TECTA: variants seen among roughly 807,000 people sequenced by gnomAD.
The protein encoded by TECTA is alpha-tectorin.
A neutral mutation model predicts 216.8 loss-of-function variants in TECTA; 128 were observed. The observed-to-expected ratio is 0.59, with a 90% CI of 0.51 to 0.68. The LOEUF is 0.68. Among genes scored for constraint, TECTA ranks in the 30% least tolerant of loss-of-function variants. The pLI is 0.00. For missense variants in TECTA, 2,551 were observed against 2,786.2 expected, an observed-to-expected ratio of 0.92 and a Z score of 1.90; for synonymous variants, 1,089 against 1,117.1, an observed-to-expected ratio of 0.97 and a Z score of 0.50.
intron 19 of TECTA, 158 bp downstream of exon 19, chr11:121,168,375 ACT>A: frequency 9.8e-7 from 1 of 1,015,254 alleles, no homozygotes; most frequent in Non-Finnish European, 1.5e-6. Flanking sequence ...GTTCAATAGA[ACT>A]CTCTGTGACG....
chr11:121,168,120 A>G lies in TECTA; in HGVS notation c.5653A>G (p.Ile1885Val). The change falls in exon 19 of 24, where the codon ATC becomes GTC. Residue 1885 changes from isoleucine (I) to valine (V), a missense_variant. Ile to Val is a conservative substitution (Grantham distance 29). This residue lies in a region of TECTA where 2,375 missense variants were observed against 2,563.9 expected (regional missense o/e 0.93). Coordinates refer to ENST00000392793, the MANE Select transcript of TECTA (RefSeq NM_005422.4). ...CGAAAGCGCCAACAACACTGGCAAC[A>G]TCATCACCAGGGACCGCACGATCAA... ...WIESANNTGN[I>V]ITRDRTINVE... 1.9e-6 allele frequency: 3 copies of G among 1,614,220 alleles called. No individual in the cohort carries two copies. Among genetic ancestry groups the G allele is most frequent in the East Asian group, 2.2e-5 (1 of 44,892 alleles).
Position 121,122,341 on chromosome 11 carries a change from A to G in TECTA, c.1204-2961A>G, listed in dbSNP as rs535163967. ...TGAACACAGCTGGAAGGTGCCATTT[A>G]TGAACCAGAAAGTGGGCTCTCGCCA... On this transcript the variant is annotated intron_variant, in intron 7 of 23. Transcript: ENST00000392793. 2.6e-5 allele frequency among the ~76,000 whole-genome samples: 4 copies of G among 152,260 alleles called. No homozygotes were observed. In the South Asian group the frequency reaches 8.3e-4, roughly 32 times the overall value.
At chr11:121,168,403 C>CTG in intron 19 of TECTA, 186 bp downstream of exon 19, 1 of 921,612 alleles carries the variant, frequency 1.1e-6, no homozygotes. Context: ...AATATTCCAT[C>CTG]TGTACTGTTT....
At chr11:121,129,513 C>A in intron 9 of TECTA, 125 bp from the exon 10 acceptor site, 1 of 949,196 alleles carries the variant, frequency 1.1e-6, no homozygotes. Flanking sequence ...TTGTGGGTTC[C>A]ATCAGCTTCT....
At chr11:121,140,716 T>C (rs1191356715) in intron 11 of TECTA, among the ~76,000 whole-genome samples, 1 of 152,176 alleles carries the variant, frequency 6.6e-6, no homozygotes, top group African/African-American at 2.4e-5. Context: ...CGTCACCTTG[T>C]GGCAGCATAA....
intron 20 of TECTA, among the ~76,000 whole-genome samples, chr11:121,177,643 G>A (rs1473218630): frequency 3.3e-5 from 5 of 152,250 alleles, no homozygotes; most frequent in Non-Finnish European, 1.5e-5. Context: ...ACCCACTTGA[G>A]GAGGCAGTCT....
In TECTA at chr11:121,118,599, A is replaced by C; in HGVS notation, c.1084A>C (p.Ser362Arg). Residue 362 changes from serine to arginine, a missense_variant, in exon 7 of 24, where the codon AGT becomes CGT. Around this residue, in one of 3 missense-constraint regions of TECTA, gnomAD observed 2,375 missense variants for 2,563.9 expected, o/e 0.93. Transcript: ENST00000392793. ...CLQTSSLPFF[S>R]VEAKNEHRRG... ...GCAGACTTCCAGCCTCCCTTTCTTC[A>C]GTGTGGAGGCCAAGAATGAACACCG... is the stretch of plus-strand genomic sequence containing the variant. The C allele has an allele frequency of 6.2e-7, 1 of 1,613,928 alleles. No homozygotes were observed. The highest frequency in any genetic ancestry group is 8.5e-7 in the Non-Finnish European group (1 of 1,180,004).
intron 8 of TECTA, 104 bp downstream of exon 8, chr11:121,125,976 A>G: frequency 7.5e-7 from 1 of 1,334,358 alleles, no homozygotes; most frequent in East Asian, 2.5e-5. Flanking sequence ...GTGACCCAAG[A>G]ATGAGGGGGA....
chr11:121,165,537 CA>C (rs1947044436), intron 17 of TECTA, among the ~76,000 whole-genome samples, 154 bp downstream of exon 17: 1 of 152,136 alleles, frequency 6.6e-6, no homozygotes, highest in Non-Finnish European at 1.5e-5. Context: ...CTGACTGCTT[CA>C]AAGTACAGCT....
Position 121,168,101 on chromosome 11 carries a change from C to T in TECTA, c.5634C>T (p.Ser1878=), listed in dbSNP as rs2155369. The change falls in exon 19 of 24, where the codon AGC becomes AGT. Residue 1878 remains serine, a synonymous_variant. Transcript: ENST00000392793. ...ATAAAAACACACTCTGGATCGAAAG[C>T]GCCAACAACACTGGCAACATCATCA... ...IMYKNTLWIE[S]ANNTGNIITR... is the part of the protein sequence containing the mutation. 224,852 of 1,613,960 alleles carry T rather than the reference C, an allele frequency of 0.14. 19,148 individuals carry two copies. The highest frequency in any genetic ancestry group is 0.31 in the South Asian group (28,588 of 91,072).
At position 121,145,859 on chromosome 11, in the gene TECTA, A is replaced by G. The variant is rs780662958; in HGVS notation, c.3848A>G (p.Asp1283Gly). The G allele has an allele frequency of 4.3e-6, 7 of 1,614,144 alleles. No homozygotes were observed. Among genetic ancestry groups the G allele is most frequent in the Non-Finnish European group, 5.9e-6 (7 of 1,180,018 alleles). Residue 1283 changes from aspartate to glycine, a missense_variant, in exon 12 of 24, where the codon GAC becomes GGC. Physicochemically the swap from Asp to Gly is moderately conservative, Grantham distance 94. Coordinates refer to ENST00000392793, the MANE Select transcript of TECTA (RefSeq NM_005422.4). ...ACCTTCTGCCAGGTGGGCTGTGGGG[A>G]CCGCTGTCCGTCCTGTGCCAAGGTG... is the stretch of plus-strand genomic sequence containing the variant. The part of the protein sequence containing the change: ...RDTFCQVGCG[D>G]RCPSCAKVEG...
chr11:121,125,771 G>C lies in TECTA; in HGVS notation c.1673G>C (p.Arg558Thr). The change falls in exon 8 of 24, where the codon AGG becomes ACG. Residue 558 changes from arginine to threonine, a missense_variant. Transcript: ENST00000392793. ...TGCGTGTATGACCTGTGCAGTGTGAGGGACAATGGCACGCTCCTCTGCCAA... is the reference window on the plus strand; with the variant it reads ...TGCGTGTATGACCTGTGCAGTGTGACGGACAATGGCACGCTCCTCTGCCAA... Reference protein sequence around the residue: ...HSCVYDLCSVRDNGTLLCQAI... With the variant: ...HSCVYDLCSVTDNGTLLCQAI... The C allele has an allele frequency of 6.2e-7, 1 of 1,614,062 alleles. No homozygotes were observed. Among genetic ancestry groups the C allele is most frequent in the East Asian group, 2.2e-5 (1 of 44,886 alleles).
At chr11:121,145,424 C>T (rs1055402953) in intron 11 of TECTA, 131 bp from the exon 12 acceptor site, 2 of 872,092 alleles carry the variant, frequency 2.3e-6, no homozygotes, top group African/African-American at 1.7e-5. Context: ...AACAACAGTA[C>T]ATGCAAAGAC....
intron 9 of TECTA, 47 bp from the exon 10 acceptor site, chr11:121,129,591 G>T (rs777040670): frequency 6.3e-7 from 1 of 1,591,196 alleles, no homozygotes; most frequent in Non-Finnish European, 8.6e-7. Flanking sequence ...GAAATGGAAA[G>T]TGCTCTGTGT....
intron 2 of TECTA, among the ~76,000 whole-genome samples, chr11:121,104,551 A>G (rs1326087045): frequency 6.6e-6 from 1 of 152,186 alleles, no homozygotes; most frequent in Non-Finnish European, 1.5e-5. Context: ...TCCCTGCTTC[A>G]GAACTGGAGA....
At chr11:121,156,795 A>T (rs1946945688) in intron 13 of TECTA, among the ~76,000 whole-genome samples, 1 of 152,156 alleles carries the variant, frequency 6.6e-6, no homozygotes, top group Non-Finnish European at 1.5e-5. Flanking sequence ...GCACTCAACC[A>T]CAAGATATTA....
intron 2 of TECTA, among the ~76,000 whole-genome samples, chr11:121,103,370 A>G (rs1946363971): frequency 6.6e-6 from 1 of 152,154 alleles, no homozygotes; most frequent in African/African-American, 2.4e-5. Flanking sequence ...ATTCTAAGGC[A>G]CCTTTCTTTA....
intron 7 of TECTA, among the ~76,000 whole-genome samples, chr11:121,123,901 C>T (rs535029490): frequency 1.1e-3 from 165 of 152,260 alleles, no homozygotes; most frequent in African/African-American, 3.8e-3. Context: ...CCCTACACCC[C>T]TTGTAATCCT....
At chr11:121,138,886 G>T (rs1687778518) in intron 11 of TECTA, among the ~76,000 whole-genome samples, 1 of 152,082 alleles carries the variant, frequency 6.6e-6, no homozygotes, top group South Asian at 2.1e-4. Context: ...TATTATCACA[G>T]GTCTGTGTCA....
Sources: gnomAD v4.1 joint callset for allele counts (sites outside exome capture counted in the v4.1 genomes callset) on GRCh38, gnomAD v4.1.1 for gene constraint, gnomAD v4.1.1 regional missense constraint, MANE v1.5 for transcripts, NCBI Gene and HGNC (gene_info 2026-07-23, HGNC 2026-07-21) for gene names.